Variants in PIK3C2G observed in about 807,000 individuals in gnomAD.
PIK3C2G encodes phosphatidylinositol 3-kinase C2 domain-containing subunit gamma.
A neutral mutation model predicts 181.1 loss-of-function variants in PIK3C2G; 168 were observed. That is an observed-to-expected ratio of 0.93 (90% CI 0.82 to 1.05). The LOEUF (loss-of-function observed/expected upper bound fraction) is 1.05, where lower values mean the gene tolerates loss of function less well. PIK3C2G is among the 50% of genes least tolerant of loss of function. The probability of loss-of-function intolerance (pLI) is 0.00; values close to 1 mark genes in which losing one functional copy is unlikely to be tolerated. For missense variants in PIK3C2G, 1,869 were observed against 1,732.8 expected (o/e 1.08, Z -1.40); for synonymous variants, 573 against 592.2 (o/e 0.97, Z 0.47).
At chr12:18,563,783 C>G (rs1945470839) in intron 28 of PIK3C2G, among the ~76,000 whole-genome samples, 1 of 151,998 alleles carries the variant, frequency 6.6e-6, no homozygotes, top group Non-Finnish European at 1.5e-5. Flanking sequence ...GGAAAATAGT[C>G]TCATTTGCCT....
At chr12:18,264,673 A>G (rs923546140) in intron 1 of PIK3C2G, among the ~76,000 whole-genome samples, 2 of 151,820 alleles carry the variant, frequency 1.3e-5, no homozygotes, top group African/African-American at 2.4e-5. Flanking sequence ...TTCTGGAGAC[A>G]GCTACTTTTT....
intron 16 of PIK3C2G, among the ~76,000 whole-genome samples, chr12:18,410,159 A>T (rs1343984478): frequency 6.6e-6 from 1 of 152,186 alleles, no homozygotes; most frequent in Non-Finnish European, 1.5e-5. Context: ...TAATAGAAAC[A>T]TTCACCAACA....
intron 14 of PIK3C2G, among the ~76,000 whole-genome samples, chr12:18,384,717 A>G (rs1943058833): frequency 6.6e-6 from 1 of 152,200 alleles, no homozygotes; most frequent in Admixed American, 6.5e-5. Flanking sequence ...TCAAATATTC[A>G]ATAGTGGCAC....
intron 29 of PIK3C2G, among the ~76,000 whole-genome samples, chr12:18,582,457 GGAGCGGCCACTAA>G (rs1392169292): frequency 6.6e-6 from 1 of 152,066 alleles, no homozygotes; most frequent in Non-Finnish European, 1.5e-5. Context: ...GAATCTTGGC[GGAGCGGCCACTAA>G]GACACACGTG....
rs752037473 is a variant in PIK3C2G at position 18,609,537 on chromosome 12, G to A, written c.4090G>A (p.Glu1364Lys). 6 of 1,565,786 alleles carry A rather than the reference G, an allele frequency of 3.8e-6. No individual in the cohort carries two copies. The East Asian group carries it at 1.4e-4, about 36-fold the overall frequency. Residue 1364 changes from glutamate (E) to lysine (K), a missense_variant and splice_region_variant, in exon 31 of 33, where the codon GAG becomes AAG. Physicochemically the swap from Glu to Lys is moderately conservative, Grantham distance 56. Transcript: ENST00000538779. ...VEESSPVYLG[E>K]KFPDKKPKVQ... ...CTGAAATTCTATTCTTTTATCAGGT[G>A]AGAAGTTTCCAGACAAGAAGCCTAA...
chr12:18,468,306 A>G (rs944701498), intron 18 of PIK3C2G, among the ~76,000 whole-genome samples: 2 of 152,042 alleles, frequency 1.3e-5, no homozygotes, highest in Admixed American at 6.6e-5. Flanking sequence ...ATCCATTCCA[A>G]TGCAGAATTC....
chr12:18,441,045 A>C (rs1393564358), intron 18 of PIK3C2G, among the ~76,000 whole-genome samples: 4 of 152,136 alleles, frequency 2.6e-5, no homozygotes, highest in Non-Finnish European at 4.4e-5. Flanking sequence ...CAAAGAGATA[A>C]AGTAGAACCA....
chr12:18,674,087 C>T, the PIK3C2G span, among the ~76,000 whole-genome samples: 1 of 152,130 alleles, frequency 6.6e-6, no homozygotes, highest in South Asian at 2.1e-4. Flanking sequence ...AGTCTGTCTA[C>T]CACAACTGTG....
intron 8 of PIK3C2G, among the ~76,000 whole-genome samples, chr12:18,327,231 A>G (rs1951386057): frequency 6.6e-6 from 1 of 152,116 alleles, no homozygotes; most frequent in African/African-American, 2.4e-5. Flanking sequence ...CCTATGAAAC[A>G]TCAATAGTAA....
chr12:18,473,271 T>C (rs1397860816), intron 18 of PIK3C2G, among the ~76,000 whole-genome samples: 1 of 152,220 alleles, frequency 6.6e-6, no homozygotes, highest in Admixed American at 6.5e-5. Flanking sequence ...CAGATTATGT[T>C]TGTAGGTTTG....
chr12:18,709,719 G>A, the PIK3C2G span, among the ~76,000 whole-genome samples: 3 of 150,714 alleles, frequency 2.0e-5, no homozygotes, highest in African/African-American at 7.3e-5. Flanking sequence ...ACACCCCAAG[G>A]GAAAAAAAAC....
intron 25 of PIK3C2G, among the ~76,000 whole-genome samples, chr12:18,545,064 G>A (rs551021408): frequency 2.6e-5 from 4 of 151,828 alleles, no homozygotes; most frequent in African/African-American, 7.2e-5. Flanking sequence ...CACTTAAAGA[G>A]CTTTCTTGTT....
intron 1 of PIK3C2G, among the ~76,000 whole-genome samples, chr12:18,264,025 C>T (rs1029101618): frequency 3.9e-5 from 6 of 152,106 alleles, no homozygotes; most frequent in African/African-American, 7.2e-5. Context: ...TTCTCACTTA[C>T]GGAACTTCTC....
chr12:18,701,775 G>A, the PIK3C2G span: 14 of 1,597,524 alleles, frequency 8.8e-6, no homozygotes, highest in Non-Finnish European at 1.2e-5. Context: ...GAATTTTAGT[G>A]CCTAAGGAAA....
At chr12:18,509,928 C>T (rs1425628471) in intron 24 of PIK3C2G, among the ~76,000 whole-genome samples, 2 of 152,128 alleles carry the variant, frequency 1.3e-5, no homozygotes, top group Non-Finnish European at 1.5e-5. Context: ...TTCTCCAGCT[C>T]TCTGAAACCA....
chr12:18,664,559 A>G, the PIK3C2G span, among the ~76,000 whole-genome samples: 1 of 152,270 alleles, frequency 6.6e-6, no homozygotes, highest in East Asian at 1.9e-4. Context: ...GAGATACTTA[A>G]AGTGTTCAAA....
intron 22 of PIK3C2G, among the ~76,000 whole-genome samples, chr12:18,500,349 T>C (rs573697176): frequency 1.5e-3 from 221 of 152,262 alleles, no homozygotes; most frequent in Non-Finnish European, 2.3e-3. Flanking sequence ...AGCGCTGCGC[T>C]GGATTTCTCG....
upstream of PIK3C2G, among the ~76,000 whole-genome samples, chr12:18,246,747 A>C (rs562326605): frequency 6.6e-6 from 1 of 152,250 alleles, no homozygotes; most frequent in Non-Finnish European, 1.5e-5. Flanking sequence ...ATTGTAATTT[A>C]CCATCAGCAA....
intron 32 of PIK3C2G, among the ~76,000 whole-genome samples, chr12:18,647,165 C>T (rs528491532): frequency 1.3e-5 from 2 of 151,522 alleles, no homozygotes; most frequent in African/African-American, 2.4e-5. Context: ...ATAAAAGTAA[C>T]CACAGTATTA....
Sources: gnomAD v4.1 joint callset for allele counts (sites outside exome capture counted in the v4.1 genomes callset) on GRCh38, gnomAD v4.1.1 for gene constraint, MANE v1.5 for transcripts, NCBI Gene and HGNC (gene_info 2026-07-23, HGNC 2026-07-21) for gene names.